AIM2: variants seen among roughly 807,000 people sequenced by gnomAD.
AIM2 encodes the protein absent in melanoma 2.
A neutral mutation model predicts 27.7 loss-of-function variants in AIM2; 30 were observed. That is an observed-to-expected ratio of 1.08 (90% CI 0.81 to 1.47). The LOEUF is 1.47. Ranked by LOEUF, AIM2 falls within the 40% of genes most tolerant of loss-of-function variation. The pLI is 0.00. For synonymous variants in AIM2, 141 were observed against 145.3 expected (o/e 0.97, Z 0.21); for missense variants, 358 against 411.3 (o/e 0.87, Z 1.12).
the AIM2 span, among the ~76,000 whole-genome samples, chr1:159,056,737 A>C: frequency 7.6e-5 from 11 of 144,668 alleles, no homozygotes; most frequent in South Asian, 4.3e-4. Flanking sequence ...AAAAAAAAAA[A>C]AAAAAAAAAA....
upstream of AIM2, among the ~76,000 whole-genome samples, chr1:159,143,361 T>A (rs1291993267): frequency 1.3e-5 from 2 of 152,110 alleles, no homozygotes; most frequent in African/African-American, 4.8e-5. Flanking sequence ...ACTGATTGTG[T>A]CTATTATAGA....
chr1:159,078,293 G>A (rs191134871), upstream of AIM2, among the ~76,000 whole-genome samples: 2 of 152,320 alleles, frequency 1.3e-5, no homozygotes, highest in East Asian at 3.9e-4. Context: ...TCTGCCCACT[G>A]GCTCACTGCA....
chr1:159,063,389 C>T (rs1402047634), intron 5 of AIM2, 97 bp downstream of exon 5: 1 of 1,192,560 alleles, frequency 8.4e-7, no homozygotes, highest in Non-Finnish European at 1.2e-6. Context: ...ATGTCTTCCA[C>T]TCTATATCCT....
chr1:159,115,396 AC>A (rs1647305564), intron 1 of AIM2, among the ~76,000 whole-genome samples: 1 of 152,192 alleles, frequency 6.6e-6, no homozygotes, highest in Non-Finnish European at 1.5e-5. Flanking sequence ...AGCCAAAAGA[AC>A]AAAGCTGGAG....
At chr1:159,138,841 A>G (rs1237705993) in intron 1 of AIM2, among the ~76,000 whole-genome samples, 3 of 152,246 alleles carry the variant, frequency 2.0e-5, no homozygotes, top group African/African-American at 7.2e-5. Flanking sequence ...TCCTGCCCGC[A>G]TACTTTTCAA....
intron 4 of AIM2, among the ~76,000 whole-genome samples, chr1:159,065,369 T>C (rs544429216): frequency 1.1e-4 from 17 of 152,324 alleles, no homozygotes; most frequent in Middle Eastern, 6.8e-3. Context: ...GTGTGTGATC[T>C]TTTCTGTCTT....
chr1:159,101,737 G>A (rs1388930881), intron 1 of AIM2, among the ~76,000 whole-genome samples: 1 of 152,192 alleles, frequency 6.6e-6, no homozygotes. Context: ...CTTCAGCAAA[G>A]AAACTGGCAG....
chr1:159,141,451 A>G (rs1648108042), upstream of AIM2, among the ~76,000 whole-genome samples: 1 of 152,214 alleles, frequency 6.6e-6, no homozygotes, highest in Admixed American at 6.5e-5. Context: ...AGAGGAATAC[A>G]GAAAGAATGA....
intron 1 of AIM2, among the ~76,000 whole-genome samples, chr1:159,075,673 A>T (rs1448542369): frequency 1.3e-5 from 2 of 152,122 alleles, no homozygotes; most frequent in Non-Finnish European, 1.5e-5. Context: ...ATGGAGAACC[A>T]TGTATCAATA....
chr1:159,109,948 C>T (rs942990741), intron 1 of AIM2, among the ~76,000 whole-genome samples: 10 of 152,110 alleles, frequency 6.6e-5, no homozygotes, highest in Non-Finnish European at 1.0e-4. Flanking sequence ...AACACTTCTA[C>T]GCTGCTGGTG....
chr1:159,114,767 T>C (rs915025844), intron 1 of AIM2, among the ~76,000 whole-genome samples: 2 of 152,112 alleles, frequency 1.3e-5, no homozygotes, highest in Admixed American at 6.5e-5. Context: ...CTTTGAAAAC[T>C]GGCACAAGAC....
chr1:159,093,281 A>G (rs929734803), intron 1 of AIM2, among the ~76,000 whole-genome samples: 4 of 152,194 alleles, frequency 2.6e-5, no homozygotes, highest in African/African-American at 9.7e-5. Context: ...TCTCAGCTAT[A>G]CAATATTAAA....
intron 1 of AIM2, among the ~76,000 whole-genome samples, chr1:159,118,195 A>G (rs1343083014): frequency 2.0e-5 from 3 of 152,234 alleles, no homozygotes; most frequent in Non-Finnish European, 4.4e-5. Context: ...CAAGGCTTAC[A>G]CACTGCATGT....
At chr1:159,082,521 AGGTCTTGCC>A (rs1656802433) in intron 1 of AIM2, among the ~76,000 whole-genome samples, 2 of 152,000 alleles carry the variant, frequency 1.3e-5, no homozygotes, top group East Asian at 3.9e-4. Flanking sequence ...TTTAAAGGCA[AGGTCTTGCC>A]ATGTTGCCAA....
At chr1:159,141,783 G>C (rs1368295609), upstream of AIM2, among the ~76,000 whole-genome samples, 1 of 151,968 alleles carries the variant, frequency 6.6e-6, no homozygotes, top group Non-Finnish European at 1.5e-5. Flanking sequence ...GGTGGGGGGG[G>C]ACAGGGACAG....
downstream of AIM2, among the ~76,000 whole-genome samples, chr1:159,058,078 G>A (rs1305670852): frequency 1.3e-5 from 2 of 152,178 alleles, no homozygotes; most frequent in Non-Finnish European, 2.9e-5. Context: ...CTTAGGCTGG[G>A]CACGGTGGCT....
chr1:159,114,144 G>A (rs1238396217), intron 1 of AIM2, among the ~76,000 whole-genome samples: 1 of 152,158 alleles, frequency 6.6e-6, no homozygotes, highest in East Asian at 1.9e-4. Context: ...TTAGAGTAGT[G>A]GACAAGAGAC....
At chr1:159,104,552 TTAAAA>T (rs1440512394) in intron 1 of AIM2, among the ~76,000 whole-genome samples, 6 of 152,360 alleles carry the variant, frequency 3.9e-5, no homozygotes, top group Admixed American at 3.9e-4. Context: ...TGCTGTAAGA[TTAAAA>T]TACACATCAG....
At chr1:159,080,130 CCTT>C (rs922201488), upstream of AIM2, among the ~76,000 whole-genome samples, 1 of 152,122 alleles carries the variant, frequency 6.6e-6, no homozygotes, top group East Asian at 1.9e-4. Flanking sequence ...TACGAATAAA[CCTT>C]CTATAAATAT....
Sources: allele counts gnomAD v4.1 joint callset (sites outside exome capture counted in the v4.1 genomes callset), GRCh38; gene constraint gnomAD v4.1.1; transcripts MANE v1.5; gene names NCBI Gene and HGNC (gene_info 2026-07-23, HGNC 2026-07-21).